The following KSR2 variants were observed in gnomAD, a reference collection of about 807,000 sequenced individuals.
KSR2 encodes the protein kinase suppressor of ras 2.
KSR2 carries 25 observed loss-of-function variants against 107.8 expected under a neutral mutation model. That is an observed-to-expected ratio of 0.23 (90% confidence interval 0.17 to 0.32). The LOEUF is 0.32. KSR2 is among the 10% of genes least tolerant of loss of function. KSR2 has a pLI of 1.00. For missense variants in KSR2, 887 were observed against 1,268.9 expected (o/e 0.70, Z 4.57); for synonymous variants, 480 against 507.0 (o/e 0.95, Z 0.71).
chr12:117,567,061 G>T (rs1262327436), intron 7 of KSR2, among the ~76,000 whole-genome samples: 1 of 152,232 alleles, frequency 6.6e-6, no homozygotes, highest in Non-Finnish European at 1.5e-5. Flanking sequence ...TTTAAACAGT[G>T]AACCGTCCAG....
At chr12:117,712,897 T>C (rs928531007) in intron 4 of KSR2, among the ~76,000 whole-genome samples, 4 of 152,098 alleles carry the variant, frequency 2.6e-5, no homozygotes, top group Admixed American at 2.6e-4. Context: ...TATATCTATA[T>C]AGAGCTATAT....
rs73211922 is a variant in KSR2, at chr12:117,596,588, C to T, written c.1172-14229G>A. ...AACGAGTCATTTATTTATTTATTTG[C>T]GTATTTATTTTACACATTCTCCTGG... On this transcript the variant is annotated intron_variant, in intron 5 of 19. Coordinates refer to ENST00000339824, the MANE Select transcript of KSR2 (RefSeq NM_173598.6). Among the ~76,000 whole-genome samples, 657 of 152,188 alleles carry T rather than the reference C, an allele frequency of 4.3e-3. 5 individuals carry two copies. Among genetic ancestry groups the T allele is most frequent in the Middle Eastern group, 6.8e-3 (2 of 294 alleles).
chr12:117,692,995 T>C (rs1217122182), intron 4 of KSR2, among the ~76,000 whole-genome samples: 1 of 152,220 alleles, frequency 6.6e-6, no homozygotes, highest in African/African-American at 2.4e-5. Context: ...TGTGCAACAC[T>C]GTGACTGTAC....
At chr12:117,467,256 T>C (rs940871433) in intron 19 of KSR2, 51 bp from the exon 20 acceptor site, 3 of 693,370 alleles carry the variant, frequency 4.3e-6, no homozygotes, top group Non-Finnish European at 7.9e-6. Context: ...AAGGACATGA[T>C]GATGTCATCC....
intron 3 of KSR2, among the ~76,000 whole-genome samples, chr12:117,767,160 T>G (rs921299081): frequency 6.7e-6 from 1 of 149,494 alleles, no homozygotes; most frequent in African/African-American, 2.5e-5. Context: ...ACGCCTGTAA[T>G]CCCAGTACTT....
At chr12:117,729,297 G>A (rs1480922338) in intron 4 of KSR2, among the ~76,000 whole-genome samples, 1 of 152,096 alleles carries the variant, frequency 6.6e-6, no homozygotes. Flanking sequence ...CAGCAATAGG[G>A]AAGGGACCAC....
intron 3 of KSR2, among the ~76,000 whole-genome samples, chr12:117,794,391 ACT>A (rs1181461522): frequency 2.2e-4 from 10 of 44,590 alleles, no homozygotes; most frequent in African/African-American, 7.5e-4. Flanking sequence ...CAACATGCAC[ACT>A]CACACCAACA....
intron 3 of KSR2, among the ~76,000 whole-genome samples, chr12:117,795,779 C>T (rs530718321): frequency 6.6e-6 from 1 of 152,054 alleles, no homozygotes; most frequent in African/African-American, 2.4e-5. Context: ...CAGGTGTATG[C>T]CATCAATTTT....
At chr12:117,753,947 C>CGTGT (rs34174404) in intron 4 of KSR2, among the ~76,000 whole-genome samples, 3,354 of 128,942 alleles carry the variant, frequency 0.026, 58 homozygotes, top group Admixed American at 0.038. Flanking sequence ...AAGTATAGAG[C>CGTGT]GTGTGTGTGT....
At chr12:117,792,042 G>A (rs1258573744) in intron 3 of KSR2, among the ~76,000 whole-genome samples, 1 of 152,126 alleles carries the variant, frequency 6.6e-6, no homozygotes, top group African/African-American at 2.4e-5. Context: ...CAATGATAAA[G>A]CATTGCGGTT....
chr12:117,572,407 G>A (rs1414472385), intron 7 of KSR2, among the ~76,000 whole-genome samples: 2 of 152,178 alleles, frequency 1.3e-5, no homozygotes, highest in African/African-American at 4.8e-5. Flanking sequence ...GGCTCAGGAA[G>A]TGGCAATGTT....
Position 117,794,002 on chromosome 12 carries a change from A to ACT in KSR2, c.473-32479_473-32478insAG, listed in dbSNP as rs766218853. Reference sequence around the variant, plus strand: ...CATGCACACATACACCAACATGCACACACACCAACATGCACACTCACACCA... The same window carrying ACT: ...CATGCACACATACACCAACATGCACACTCACACCAACATGCACACTCACACCA... On this transcript the variant is annotated intron_variant, in intron 3 of 19. Coordinates refer to ENST00000339824, the MANE Select transcript of KSR2 (RefSeq NM_173598.6). 1.1e-3 allele frequency among the ~76,000 whole-genome samples: 127 copies of ACT among 114,342 alleles called. 6 individuals are homozygous for ACT. The highest frequency in any genetic ancestry group is 1.7e-3 in the Non-Finnish European group (92 of 55,026). 75.0% of individuals were successfully genotyped at this position (114,342 alleles called of 152,430 possible). A position where few individuals can be genotyped will look rare whatever the true frequency, so the allele number is the denominator to read the frequency against.
In KSR2 at chr12:117,527,100, G is replaced by A. The variant is rs757113464; in HGVS notation, c.1822C>T (p.Leu608Phe). The change falls in exon 13 of 20, where the codon CTT (leucine) becomes TTT (phenylalanine). Residue 608 changes from leucine (L) to phenylalanine (F), a missense_variant. Transcript: ENST00000339824. ...SNPILEGNPL[L>F]QIEVEPTSEN... ...GACGTTGGCTCCACTTCAATTTGAA[G>A]TAATGGATTTCCTTCCAAGCTGTAA... 4 of 1,613,564 alleles carry A rather than the reference G, an allele frequency of 2.5e-6. No individual in the cohort carries two copies. Among genetic ancestry groups the A allele is most frequent in the South Asian group, 1.1e-5 (1 of 91,044 alleles).
Position 117,860,436 on chromosome 12 carries a change from G to GGA in KSR2, c.181-7_181-6dup, listed in dbSNP as rs1307809776. On this transcript the variant is annotated splice_polypyrimidine_tract_variant and splice_region_variant and intron_variant, in intron 1 of 19. Transcript: ENST00000339824. ...GAAGTACTTCACCAGCTTGCTCTGT[G>GGA]GAGACACAGACGAGGACAGAGGACA... The GGA allele has an allele frequency of 1.7e-5, 27 of 1,604,696 alleles. No homozygotes were observed. Among genetic ancestry groups the GGA allele is most frequent in the Non-Finnish European group, 2.2e-5 (26 of 1,175,848 alleles).
intron 3 of KSR2, among the ~76,000 whole-genome samples, chr12:117,848,834 A>AACAACG (rs1555249461): frequency 1.7e-4 from 23 of 133,826 alleles, no homozygotes; most frequent in Non-Finnish European, 2.8e-4. Flanking sequence ...TGATGGTGGT[A>AACAACG]GTGGTGGTGA....
At chr12:117,802,962 T>A (rs1055602518) in intron 3 of KSR2, among the ~76,000 whole-genome samples, 1 of 152,256 alleles carries the variant, frequency 6.6e-6, no homozygotes, top group Non-Finnish European at 1.5e-5. Flanking sequence ...ATTTGACTGA[T>A]AATTGCATTC....
At chr12:117,671,337 T>C (rs1310641275) in intron 4 of KSR2, among the ~76,000 whole-genome samples, 3 of 151,960 alleles carry the variant, frequency 2.0e-5, no homozygotes, top group Admixed American at 6.6e-5. Flanking sequence ...GATCATTAGA[T>C]AGATAGATAG....
chr12:117,801,970 G>A (rs946529503), intron 3 of KSR2, among the ~76,000 whole-genome samples: 1 of 152,098 alleles, frequency 6.6e-6, no homozygotes, highest in Non-Finnish European at 1.5e-5. Context: ...CAATGGAAGG[G>A]GCGTGGGATA....
intron 3 of KSR2, among the ~76,000 whole-genome samples, chr12:117,795,235 G>A (rs1890579265): frequency 6.6e-6 from 1 of 152,144 alleles, no homozygotes; most frequent in African/African-American, 2.4e-5. Flanking sequence ...CTTCTTCCCT[G>A]TACACTTCAG....
Sources: allele counts gnomAD v4.1 joint callset (sites outside exome capture counted in the v4.1 genomes callset), GRCh38; gene constraint gnomAD v4.1.1; transcripts MANE v1.5; gene names NCBI Gene and HGNC (gene_info 2026-07-23, HGNC 2026-07-21).